Variants in GRXCR1 observed in about 807,000 individuals in gnomAD.
GRXCR1 encodes glutaredoxin domain-containing cysteine-rich protein 1.
Under a neutral mutation model 27.3 loss-of-function variants are expected in GRXCR1, and 27 were observed. The observed-to-expected ratio is 0.99, with a 90% CI of 0.73 to 1.37. GRXCR1 has a LOEUF of 1.37. Among genes scored for constraint, GRXCR1 ranks in the 40% most tolerant of loss-of-function variants. The probability of loss-of-function intolerance (pLI) is 0.00; values close to 1 mark genes in which losing one functional copy is unlikely to be tolerated. For synonymous variants in GRXCR1, 122 were observed against 131.1 expected, an observed-to-expected ratio of 0.93 and a Z score of 0.47; for missense variants, 379 against 354.4, an observed-to-expected ratio of 1.07 and a Z score of -0.56.
At chr4:42,930,425 T>C (rs992234705) in intron 1 of GRXCR1, among the ~76,000 whole-genome samples, 32 of 151,974 alleles carry the variant, frequency 2.1e-4, no homozygotes, top group African/African-American at 7.5e-4. Context: ...ATCCAGATGT[T>C]TATTTAGGAT....
At chr4:42,901,241 C>T (rs1017816661) in intron 1 of GRXCR1, among the ~76,000 whole-genome samples, 16 of 152,288 alleles carry the variant, frequency 1.1e-4, no homozygotes, top group Non-Finnish European at 1.9e-4. Context: ...TTTCCTATTG[C>T]TGCTGAAACA....
chr4:43,004,758 T>C (rs1490990473), intron 2 of GRXCR1, among the ~76,000 whole-genome samples: 1 of 152,214 alleles, frequency 6.6e-6, no homozygotes, highest in Non-Finnish European at 1.5e-5. Flanking sequence ...CCAATGCCTG[T>C]ACCCCCATTA....
chr4:42,991,882 C>T (rs1711986897), intron 2 of GRXCR1, among the ~76,000 whole-genome samples: 1 of 152,104 alleles, frequency 6.6e-6, no homozygotes, highest in African/African-American at 2.4e-5. Flanking sequence ...GGTTTCATTA[C>T]TGCCACCCAC....
chr4:42,897,430 C>A (rs768215024), intron 1 of GRXCR1, among the ~76,000 whole-genome samples: 2 of 151,904 alleles, frequency 1.3e-5, no homozygotes, highest in Non-Finnish European at 2.9e-5. Flanking sequence ...TAAATAGGTG[C>A]AAAGAAGGAA....
chr4:42,937,656 C>G (rs1402484710), intron 1 of GRXCR1, among the ~76,000 whole-genome samples: 1 of 151,908 alleles, frequency 6.6e-6, no homozygotes, highest in Non-Finnish European at 1.5e-5. Flanking sequence ...GTCTCCTTCC[C>G]TTGCTTATTT....
intron 1 of GRXCR1, among the ~76,000 whole-genome samples, chr4:42,954,552 G>C (rs1164626061): frequency 6.6e-6 from 1 of 152,044 alleles, no homozygotes; most frequent in Admixed American, 6.6e-5. Context: ...TATAAAACCT[G>C]GGCCATAATC....
At chr4:42,898,380 T>C (rs945882947) in intron 1 of GRXCR1, among the ~76,000 whole-genome samples, 1 of 152,050 alleles carries the variant, frequency 6.6e-6, no homozygotes, top group Non-Finnish European at 1.5e-5. Flanking sequence ...GTTGCAAGGA[T>C]TGACACTGAA....
intron 1 of GRXCR1, among the ~76,000 whole-genome samples, chr4:42,932,811 A>C (rs1196845297): frequency 6.6e-6 from 1 of 151,454 alleles, no homozygotes; most frequent in Non-Finnish European, 1.5e-5. Flanking sequence ...CAACTTTAAA[A>C]GAGGTTAAGT....
chr4:42,933,961 A>G (rs1747393141), intron 1 of GRXCR1, among the ~76,000 whole-genome samples: 2 of 151,906 alleles, frequency 1.3e-5, no homozygotes, highest in South Asian at 4.2e-4. Context: ...CCTTCCCCCA[A>G]GTGAGATGAA....
chr4:42,944,652 C>T (rs553288759), intron 1 of GRXCR1, among the ~76,000 whole-genome samples: 3 of 152,060 alleles, frequency 2.0e-5, no homozygotes, highest in Admixed American at 6.6e-5. Context: ...TCAAAACTTA[C>T]GTTTCCTACC....
chr4:43,022,587 T>C (rs938964906), intron 3 of GRXCR1, among the ~76,000 whole-genome samples: 1 of 152,230 alleles, frequency 6.6e-6, no homozygotes, highest in Non-Finnish European at 1.5e-5. Context: ...GCCATCACTA[T>C]GTTCGGCTGC....
At chr4:42,948,974 T>C (rs1360295552) in intron 1 of GRXCR1, among the ~76,000 whole-genome samples, 1 of 152,146 alleles carries the variant, frequency 6.6e-6, no homozygotes, top group South Asian at 2.1e-4. Flanking sequence ...TTGAGATAAA[T>C]TTTTTGTGTT....
At chr4:42,961,939 T>C (rs1748137517) in intron 1 of GRXCR1, among the ~76,000 whole-genome samples, 1 of 152,064 alleles carries the variant, frequency 6.6e-6, no homozygotes, top group East Asian at 1.9e-4. Context: ...CTTTAAAAAA[T>C]TACAGCTTTG....
intron 1 of GRXCR1, among the ~76,000 whole-genome samples, chr4:42,933,094 T>G (rs762132760): frequency 2.0e-5 from 3 of 151,746 alleles, no homozygotes; most frequent in African/African-American, 4.8e-5. Flanking sequence ...AAAACATAGG[T>G]AAAGAGAATT....
intron 1 of GRXCR1, among the ~76,000 whole-genome samples, chr4:42,961,271 T>C (rs1748125291): frequency 2.0e-5 from 3 of 152,040 alleles, no homozygotes; most frequent in African/African-American, 7.2e-5. Flanking sequence ...TTTGGTTGAT[T>C]TCACGTCTTT....
At chr4:43,003,588 G>A (rs184626251) in intron 2 of GRXCR1, among the ~76,000 whole-genome samples, 2 of 152,296 alleles carry the variant, frequency 1.3e-5, no homozygotes, top group African/African-American at 4.8e-5. Flanking sequence ...GAAACTTCTT[G>A]AGAACTGGAG....
chr4:42,996,381 A>G (rs1390437716), intron 2 of GRXCR1, among the ~76,000 whole-genome samples: 7 of 152,194 alleles, frequency 4.6e-5, no homozygotes, highest in Non-Finnish European at 8.8e-5. Context: ...GAACAAAGCA[A>G]AGACATAAAT....
intron 3 of GRXCR1, among the ~76,000 whole-genome samples, chr4:43,021,527 C>A (rs949354888): frequency 6.6e-6 from 1 of 152,176 alleles, no homozygotes; most frequent in African/African-American, 2.4e-5. Context: ...TGGATTCATT[C>A]ATTCAACAAA....
At chr4:42,929,749 A>G (rs1747261322) in intron 1 of GRXCR1, among the ~76,000 whole-genome samples, 1 of 151,938 alleles carries the variant, frequency 6.6e-6, no homozygotes, top group Admixed American at 6.6e-5. Flanking sequence ...CCATCCAATG[A>G]ATGGAGAGGG....
Sources: allele counts gnomAD v4.1 joint callset (sites outside exome capture counted in the v4.1 genomes callset), GRCh38; gene constraint gnomAD v4.1.1; transcripts MANE v1.5; gene names NCBI Gene and HGNC (gene_info 2026-07-23, HGNC 2026-07-21).